RPS6KC1: variants seen among roughly 807,000 people sequenced by gnomAD.
The protein encoded by RPS6KC1 is ribosomal protein S6 kinase C1.
RPS6KC1 carries 54 observed loss-of-function variants against 103.8 expected under a neutral mutation model. That is an observed-to-expected ratio of 0.52 (90% CI 0.42 to 0.65). The LOEUF (loss-of-function observed/expected upper bound fraction) is 0.65, where lower values mean the gene tolerates loss of function less well. Ranked by LOEUF, RPS6KC1 falls within the 30% of genes least tolerant of loss-of-function variation. RPS6KC1 has a pLI of 0.00. For synonymous variants in RPS6KC1, 439 were observed against 438.7 expected, an observed-to-expected ratio of 1.00 and a Z score of -0.01; for missense variants, 1,151 against 1,253.8, an observed-to-expected ratio of 0.92 and a Z score of 1.24.
chr1:213,081,020 C>G (rs186536104), intron 3 of RPS6KC1, among the ~76,000 whole-genome samples: 7 of 152,318 alleles, frequency 4.6e-5, no homozygotes, highest in Admixed American at 3.3e-4. Context: ...TATACTACAT[C>G]AGGGAATTGA....
the RPS6KC1 span, among the ~76,000 whole-genome samples, chr1:213,686,729 G>C: frequency 1.3e-5 from 2 of 152,104 alleles, no homozygotes; most frequent in Non-Finnish European, 2.9e-5. Flanking sequence ...GAAAGAATTC[G>C]GGGCAAGTTC....
At chr1:213,071,430 G>T (rs528289450) in intron 2 of RPS6KC1, among the ~76,000 whole-genome samples, 1 of 152,166 alleles carries the variant, frequency 6.6e-6, no homozygotes, top group South Asian at 2.1e-4. Flanking sequence ...TGCCTGGCCT[G>T]TACATCAGTC....
chr1:213,585,325 G>A, the RPS6KC1 span, among the ~76,000 whole-genome samples: 3 of 152,204 alleles, frequency 2.0e-5, no homozygotes, highest in South Asian at 2.1e-4. Flanking sequence ...CCAGGGCTCC[G>A]GGGATGCATG....
At chr1:213,729,566 TC>T in the RPS6KC1 span, among the ~76,000 whole-genome samples, 1 of 151,818 alleles carries the variant, frequency 6.6e-6, no homozygotes, top group South Asian at 2.1e-4. Flanking sequence ...GGGAAAGACT[TC>T]CTGGAAACCT....
chr1:213,676,098 T>C, the RPS6KC1 span, among the ~76,000 whole-genome samples: 3 of 152,208 alleles, frequency 2.0e-5, no homozygotes, highest in African/African-American at 7.2e-5. Flanking sequence ...GAGAAGAACG[T>C]GCATGTCTGG....
At chr1:213,452,331 C>G in the RPS6KC1 span, among the ~76,000 whole-genome samples, 4 of 147,552 alleles carry the variant, frequency 2.7e-5, no homozygotes, top group African/African-American at 7.5e-5. Context: ...GAGCTCATAA[C>G]TAGGAAAAAA....
chr1:213,283,248 A>T, the RPS6KC1 span, among the ~76,000 whole-genome samples: 1 of 152,192 alleles, frequency 6.6e-6, no homozygotes, highest in African/African-American at 2.4e-5. Context: ...AATTAGCTCA[A>T]ATTAAAAGAT....
chr1:213,206,880 A>G (rs899304073), intron 8 of RPS6KC1, among the ~76,000 whole-genome samples: 2 of 152,186 alleles, frequency 1.3e-5, no homozygotes, highest in African/African-American at 4.8e-5. Flanking sequence ...TGGGAGGCCA[A>G]GGTGGGCGGA....
At chr1:213,210,117 A>G (rs930183665) in intron 8 of RPS6KC1, among the ~76,000 whole-genome samples, 5 of 152,092 alleles carry the variant, frequency 3.3e-5, no homozygotes, top group African/African-American at 1.2e-4. Flanking sequence ...CCAACCTCCT[A>G]TCTCATCTGT....
At chr1:213,507,339 G>C in the RPS6KC1 span, among the ~76,000 whole-genome samples, 2 of 152,126 alleles carry the variant, frequency 1.3e-5, no homozygotes, top group African/African-American at 2.4e-5. Flanking sequence ...AGCGCAGGGT[G>C]GGGGGCTGAA....
the RPS6KC1 span, among the ~76,000 whole-genome samples, chr1:213,721,029 G>A: frequency 8.5e-5 from 13 of 152,184 alleles, no homozygotes; most frequent in African/African-American, 2.9e-4. Context: ...CCTCATAACG[G>A]TAATAATGTT....
the RPS6KC1 span, among the ~76,000 whole-genome samples, chr1:213,430,237 A>G: frequency 6.6e-6 from 1 of 152,204 alleles, no homozygotes; most frequent in Non-Finnish European, 1.5e-5. Flanking sequence ...ATTCTTACTT[A>G]TCTGTCTTAA....
rs145958147 is a variant in RPS6KC1, at chr1:213,076,535, A to G, written c.142-1161A>G. Among the ~76,000 whole-genome samples, 315 of 152,208 alleles carry G rather than the reference A, an allele frequency of 2.1e-3. 1 individual carries two copies. Among genetic ancestry groups the G allele is most frequent in the African/African-American group, 7.0e-3 (289 of 41,538 alleles). Reference sequence around the variant, plus strand: ...CTGAAGTAATGGGATTTAAAACTCAATTTTACTCTATTTTCTAGAGATTGA... The same window carrying G: ...CTGAAGTAATGGGATTTAAAACTCAGTTTTACTCTATTTTCTAGAGATTGA... On this transcript the variant is annotated intron_variant, in intron 2 of 14. Coordinates refer to ENST00000366960, the MANE Select transcript of RPS6KC1 (RefSeq NM_012424.6).
the RPS6KC1 span, among the ~76,000 whole-genome samples, chr1:213,336,431 G>A: frequency 1.1e-4 from 17 of 152,210 alleles, no homozygotes; most frequent in Non-Finnish European, 2.2e-4. Context: ...ACTGCTGGGT[G>A]CAGAGAGGCT....
chr1:213,407,719 G>A, the RPS6KC1 span, among the ~76,000 whole-genome samples: 10 of 152,126 alleles, frequency 6.6e-5, no homozygotes, highest in Non-Finnish European at 1.2e-4. Flanking sequence ...CATTTTCTAA[G>A]TAGGGCTCTT....
At chr1:213,491,544 CCAAACAAA>C in the RPS6KC1 span, among the ~76,000 whole-genome samples, 11 of 151,738 alleles carry the variant, frequency 7.2e-5, no homozygotes, top group African/African-American at 2.2e-4. Flanking sequence ...CAAGACTGTG[CCAAACAAA>C]CAAACAAACA....
At chr1:213,680,987 C>A in the RPS6KC1 span, among the ~76,000 whole-genome samples, 1 of 152,204 alleles carries the variant, frequency 6.6e-6, no homozygotes, top group Non-Finnish European at 1.5e-5. Flanking sequence ...AGCGGTGAGG[C>A]CCTTTTTGTC....
chr1:213,310,725 T>A, the RPS6KC1 span, among the ~76,000 whole-genome samples: 1 of 152,234 alleles, frequency 6.6e-6, no homozygotes, highest in Non-Finnish European at 1.5e-5. Context: ...AAATAAGTAA[T>A]TCTTGAATAA....
In RPS6KC1 at chr1:213,070,999, GT is replaced by G; in HGVS notation, c.106-3del. Reference sequence around the variant, plus strand: ...GATTAGAGATTTCTATGTATGTTTTGTTTTAGGTTGTTTCACGAAGAAATCC... The same window carrying G: ...GATTAGAGATTTCTATGTATGTTTTGTTTAGGTTGTTTCACGAAGAAATCC... On this transcript the variant is annotated splice_polypyrimidine_tract_variant and splice_region_variant and intron_variant, in intron 1 of 14. Transcript: ENST00000366960. The G allele has an allele frequency of 2.0e-6, 3 of 1,521,516 alleles. No individual in the cohort carries two copies. The highest frequency in any genetic ancestry group is 2.7e-6 in the Non-Finnish European group (3 of 1,113,518). 94.3% of individuals were successfully genotyped at this position (1,521,516 alleles called of 1,614,324 possible). A position where few individuals can be genotyped will look rare whatever the true frequency, so the allele number is the denominator to read the frequency against.
Sources: gnomAD v4.1 joint callset for allele counts (sites outside exome capture counted in the v4.1 genomes callset) on GRCh38, gnomAD v4.1.1 for gene constraint, MANE v1.5 for transcripts, NCBI Gene and HGNC (gene_info 2026-07-23, HGNC 2026-07-21) for gene names.